The following PDHA1 variants were observed in gnomAD, a reference collection of about 807,000 sequenced individuals.
PDHA1 encodes the protein pyruvate dehydrogenase E1 component subunit alpha, somatic form, mitochondrial.
PDHA1 carries 1 observed loss-of-function variant against 33.0 expected under a neutral mutation model. The ratio of observed to expected loss-of-function variants is 0.03; its 90% CI spans 0.01 to 0.14. The LOEUF (loss-of-function observed/expected upper bound fraction) is 0.14, where lower values mean the gene tolerates loss of function less well. Ranked by LOEUF, PDHA1 falls within the 10% of genes least tolerant of loss-of-function variation. The pLI is 1.00. For missense variants in PDHA1, 168 were observed against 325.1 expected (o/e 0.52, Z 3.72); for synonymous variants, 123 against 119.2 (o/e 1.03, Z -0.21).
rs369441389 is a variant in PDHA1 at position 19,345,746 on chromosome X, C to A, written c.57+1652C>A. On this transcript the variant is annotated intron_variant, in intron 1 of 10. Transcript: ENST00000422285. ...TGTTTCCTGTATCAGTTTGCAGGGT[C>A]CCCCCCCCCCCGCCACCTTACAGTA... The A allele has an allele frequency of 2.7e-4, 18 of 66,031 alleles. 1 individual carries two copies. Among genetic ancestry groups the A allele is most frequent in the African/African-American group, 2.7e-3 (16 of 5,968 alleles). 5.4% of individuals were successfully genotyped at this position (66,031 alleles called of 1,213,427 possible). A position where few individuals can be genotyped will look rare whatever the true frequency, so the allele number is the denominator to read the frequency against.
Position 19,353,170 on chromosome X carries a change from G to A in PDHA1, c.507G>A (p.Ala169=), listed in dbSNP as rs141862527. ...NFYGGNGIVG[A]QVPLGAGIAL... ...ACGGGGGCAATGGCATCGTGGGAGCGCAGGTAGTCAAGGACGAGGATTGTG... is the reference window on the plus strand; with the variant it reads ...ACGGGGGCAATGGCATCGTGGGAGCACAGGTAGTCAAGGACGAGGATTGTG... Residue 169 remains alanine (A), a synonymous_variant, in exon 5 of 11, where the codon GCG becomes GCA. Transcript: ENST00000422285. 191 of 1,191,287 alleles carry A rather than the reference G, an allele frequency of 1.6e-4. No individual in the cohort carries two copies. The African/African-American group carries it at 2.7e-3, about 17-fold the overall frequency.
At chrX:19,352,586 T>C (rs1047938523) in intron 4 of PDHA1, among the ~76,000 whole-genome samples, 13 of 112,622 alleles carry the variant, frequency 1.2e-4, no homozygotes, top group Admixed American at 1.1e-3. Context: ...AGGGGATTGG[T>C]TCTAGGACCC....
At chrX:19,356,913 G>T (rs765016956) in intron 8 of PDHA1, among the ~76,000 whole-genome samples, 3 of 111,841 alleles carry the variant, frequency 2.7e-5, no homozygotes, top group Non-Finnish European at 5.6e-5. Flanking sequence ...GCCGTCTCCT[G>T]GAAGTGGGCT....
In PDHA1 at chrX:19,349,540, G is replaced by A. The variant is rs1179810774; in HGVS notation, c.117+169G>A. Among the ~76,000 whole-genome samples, 3 of 111,960 alleles carry A rather than the reference G, an allele frequency of 2.7e-5. No homozygotes were observed. The East Asian group carries it at 8.4e-4, about 31-fold the overall frequency. ...TCACGAAAACTAGAATTTATTATTA[G>A]CAGCTTGCTGTTGTTCTGTGGGGGG... is the stretch of plus-strand genomic sequence containing the variant. On this transcript the variant is annotated intron_variant, in intron 2 of 10. Coordinates refer to ENST00000422285, the MANE Select transcript of PDHA1 (RefSeq NM_000284.4).
intron 1 of PDHA1, among the ~76,000 whole-genome samples, chrX:19,346,785 T>C (rs1275039423): frequency 8.9e-6 from 1 of 112,569 alleles, no homozygotes; most frequent in African/African-American, 3.2e-5. Context: ...GCATTTAAAA[T>C]GTTATTTTAT....
intron 1 of PDHA1, 59 bp downstream of exon 1, chrX:19,344,153 G>A (rs1042389494): frequency 2.4e-5 from 25 of 1,046,399 alleles, no homozygotes; most frequent in Admixed American, 7.5e-5. Context: ...GGGGCCGGAG[G>A]GCAGGGCGGG....
chrX:19,359,893 T>C lies in PDHA1; in HGVS notation c.*240T>C. 2 of 407,343 alleles carry C rather than the reference T, an allele frequency of 4.9e-6. No individual in the cohort carries two copies. The allele number at this position is 407,343 out of a possible 1,213,427, so 33.6% of individuals were successfully genotyped here. ...AATAGTATACTTTGAACAAATACTC[T>C]AATTATGAAAAGGAAGAACAATTCC... On this transcript the variant is annotated 3_prime_UTR_variant, in exon 11 of 11. Coordinates refer to ENST00000422285, the MANE Select transcript of PDHA1 (RefSeq NM_000284.4).
rs2063213420 is a variant in PDHA1 at position 19,357,696 on chromosome X, C to T, written c.876C>T (p.His292=). The change falls in exon 9 of 11, where the codon CAC becomes CAT. Residue 292 remains histidine, a synonymous_variant. Coordinates refer to ENST00000422285, the MANE Select transcript of PDHA1 (RefSeq NM_000284.4). ...TGCAGACTTACCGTTACCACGGACACAGTATGAGTGACCCTGGAGTCAGGT... is the reference window on the plus strand; with the variant it reads ...TGCAGACTTACCGTTACCACGGACATAGTATGAGTGACCCTGGAGTCAGGT... The part of the protein sequence containing the change: ...MELQTYRYHG[H]SMSDPGVSYR... 2.5e-6 allele frequency: 3 copies of T among 1,207,540 alleles called. No individual in the cohort carries two copies. The highest frequency in any genetic ancestry group is 3.0e-5 in the East Asian group (1 of 33,783).
chrX:19,345,572 TAAAAAAAAAA>T (rs11318265), intron 1 of PDHA1, among the ~76,000 whole-genome samples: 14 of 30,270 alleles, frequency 4.6e-4, no homozygotes, highest in Admixed American at 6.1e-4. Flanking sequence ...CTCCGTATTT[TAAAAAAAAAA>T]AAAAAAAAAA....
In PDHA1 at chrX:19,357,788, C is replaced by A. The variant is rs761350699; in HGVS notation, c.899+69C>A. On this transcript the variant is annotated intron_variant, in intron 9 of 10. Transcript: ENST00000422285. ...ATGGTGTTACATGGCAAAAGCAACA[C>A]ATTTCAGTATTTGCTTTTGGAGCTA... 7 of 830,771 alleles carry A rather than the reference C, an allele frequency of 8.4e-6. No homozygotes were observed. The Admixed American group carries it at 1.1e-4, about 13-fold the overall frequency. The allele number at this position is 830,771 out of a possible 1,213,427, so 68.5% of individuals were successfully genotyped here. A position where few individuals can be genotyped will look rare whatever the true frequency, so the allele number is the denominator to read the frequency against.
intron 8 of PDHA1, among the ~76,000 whole-genome samples, chrX:19,356,170 A>G (rs766303454): frequency 8.9e-6 from 1 of 111,960 alleles, no homozygotes; most frequent in South Asian, 3.7e-4. Context: ...ATTAAACAGT[A>G]TGGTAGAAGC....
At chrX:19,352,947 GGGACA>G in intron 4 of PDHA1, 130 bp from the exon 5 acceptor site, 1 of 569,615 alleles carries the variant, frequency 1.8e-6, no homozygotes, top group African/African-American at 2.2e-5. Flanking sequence ...TTTGCCTGGA[GGGACA>G]GGTACTTAGA....
rs1428894850 is a variant in PDHA1, at chrX:19,354,565, C to T, written c.585C>T (p.Gly195=). Residue 195 remains glycine, a synonymous_variant, in exon 6 of 11, where the codon GGC becomes GGT. Coordinates refer to ENST00000422285, the MANE Select transcript of PDHA1 (RefSeq NM_000284.4). ...GKDEVCLTLY[G]DGAANQGQIF... is the part of the protein sequence containing the mutation. ...ATGAGGTCTGCCTGACTTTATATGG[C>T]GATGGTGCTGCTAACCAGGTAATTA... The T allele has an allele frequency of 1.7e-6, 2 of 1,158,722 alleles. No homozygotes were observed. The highest frequency in any genetic ancestry group is 2.4e-6 in the Non-Finnish European group (2 of 848,298).
In PDHA1 at chrX:19,360,208, T is replaced by C; in HGVS notation, c.*555T>C. On this transcript the variant is annotated 3_prime_UTR_variant, in exon 11 of 11. Coordinates refer to ENST00000422285, the MANE Select transcript of PDHA1 (RefSeq NM_000284.4). Reference sequence around the variant, plus strand: ...TCAGTATAAATATGAAGCTATTTTCTGTTCATATCAAACATTAACTACAAG... The same window carrying C: ...TCAGTATAAATATGAAGCTATTTTCCGTTCATATCAAACATTAACTACAAG... 1 of 137,787 alleles carries C rather than the reference T, an allele frequency of 7.3e-6. No individual in the cohort carries two copies. The highest frequency in any genetic ancestry group is 7.9e-5 in the Admixed American group (1 of 12,687). 11.4% of individuals were successfully genotyped at this position (137,787 alleles called of 1,213,427 possible). A position where few individuals can be genotyped will look rare whatever the true frequency, so the allele number is the denominator to read the frequency against.
intron 8 of PDHA1, 55 bp downstream of exon 8, chrX:19,355,812 C>G: frequency 1.1e-6 from 1 of 920,595 alleles, no homozygotes; most frequent in Non-Finnish European, 1.6e-6. Context: ...AGTTCAAAGA[C>G]TGCCTCCCAT....
At chrX:19,357,855 A>G in intron 9 of PDHA1, 136 bp downstream of exon 9, 2 of 534,780 alleles carry the variant, frequency 3.7e-6, no homozygotes, top group Non-Finnish European at 6.7e-6. Flanking sequence ...TTGGGCATCA[A>G]GTTATCTGAA....
At chrX:19,355,181 C>T (rs1198161231) in intron 6 of PDHA1, 168 bp from the exon 7 acceptor site, 9 of 549,810 alleles carry the variant, frequency 1.6e-5, no homozygotes, top group South Asian at 5.0e-5. Context: ...TGCTACTTCT[C>T]CTCCACCACC....
rs773002964 is a variant in PDHA1 at position 19,358,908 on chromosome X, C to T, written c.900-8C>T. On this transcript the variant is annotated splice_polypyrimidine_tract_variant and splice_region_variant and intron_variant, in intron 9 of 10. Coordinates refer to ENST00000422285, the MANE Select transcript of PDHA1 (RefSeq NM_000284.4). The stretch of plus-strand genomic sequence containing the variant: ...TACTGATCGATTACTACTTTTCCCT[C>T]CCCATAGTTACCGTACACGAGAAGA... 3.7e-6 allele frequency: 4 copies of T among 1,077,838 alleles called. No individual in the cohort carries two copies. The South Asian group carries it at 7.4e-5, about 20-fold the overall frequency. The allele number at this position is 1,077,838 out of a possible 1,213,427, so 88.8% of individuals were successfully genotyped here.
Position 19,353,097 on chromosome X carries a change from G to T in PDHA1, c.434G>T (p.Cys145Phe). 1 of 1,207,226 alleles carries T rather than the reference G, an allele frequency of 8.3e-7. No individual in the cohort carries two copies. The highest frequency in any genetic ancestry group is 1.1e-6 in the Non-Finnish European group (1 of 892,544). The stretch of plus-strand genomic sequence containing the variant: ...CCATTTCCAGGACGAAAAGGAGGTT[G>T]TGCTAAAGGGAAAGGAGGATCGATG... ...LAELTGRKGGCAKGKGGSMHM... is the reference protein window; with the variant it reads ...LAELTGRKGGFAKGKGGSMHM... Residue 145 changes from cysteine to phenylalanine, a missense_variant, in exon 5 of 11, where the codon TGT (cysteine) becomes TTT (phenylalanine). Physicochemically the swap from Cys to Phe is radical, Grantham distance 205 (BLOSUM62 -2). Coordinates refer to ENST00000422285, the MANE Select transcript of PDHA1 (RefSeq NM_000284.4).
Sources: gnomAD v4.1 joint callset for allele counts (sites outside exome capture counted in the v4.1 genomes callset) on GRCh38, gnomAD v4.1.1 for gene constraint, MANE v1.5 for transcripts, NCBI Gene and HGNC (gene_info 2026-07-23, HGNC 2026-07-21) for gene names.